NOSTRIN: variants seen among roughly 807,000 people sequenced by gnomAD.
NOSTRIN encodes the protein nitric oxide synthase trafficking.
In NOSTRIN, 63 loss-of-function variants were observed where a neutral mutation model predicts 59.0. The ratio of observed to expected loss-of-function variants is 1.07; its 90% confidence interval spans 0.87 to 1.32. The LOEUF (loss-of-function observed/expected upper bound fraction) is 1.32, where lower values mean the gene tolerates loss of function less well. NOSTRIN is among the 40% of genes most tolerant of loss of function. The pLI, the probability that NOSTRIN is intolerant of heterozygous loss-of-function variation, is 0.00. For missense variants in NOSTRIN, 512 were observed against 473.1 expected (o/e 1.08, Z -0.76); for synonymous variants, 200 against 165.4 (o/e 1.21, Z -1.61).
chr2:168,790,780 A>G (rs1685326717), intron 2 of NOSTRIN, among the ~76,000 whole-genome samples: 2 of 152,154 alleles, frequency 1.3e-5, no homozygotes, highest in Admixed American at 1.3e-4. Context: ...GTAGTGATGA[A>G]TCCATTTCAA....
chr2:168,863,578 ATT>A (rs1046062183), intron 15 of NOSTRIN: 2 of 984,994 alleles, frequency 2.0e-6, no homozygotes, highest in Admixed American at 1.2e-4. Flanking sequence ...TTTAAAAAAT[ATT>A]GTCTCCAAAT....
At chr2:168,822,050 G>A (rs369788324) in intron 2 of NOSTRIN, among the ~76,000 whole-genome samples, 7 of 152,192 alleles carry the variant, frequency 4.6e-5, no homozygotes, top group African/African-American at 1.7e-4. Flanking sequence ...GGGTTCCAGA[G>A]CATCTGAGTT....
chr2:168,789,073 C>T (rs909110940), intron 2 of NOSTRIN, among the ~76,000 whole-genome samples: 2 of 152,158 alleles, frequency 1.3e-5, no homozygotes, highest in Admixed American at 6.5e-5. Context: ...GGAACCAGGG[C>T]TCCTTGAAGA....
intron 7 of NOSTRIN, among the ~76,000 whole-genome samples, chr2:168,834,728 G>A (rs932183556): frequency 6.6e-6 from 1 of 151,698 alleles, no homozygotes; most frequent in African/African-American, 2.4e-5. Flanking sequence ...ATTGACAGAT[G>A]ACAAATGAGA....
intron 1 of NOSTRIN, among the ~76,000 whole-genome samples, chr2:168,807,429 A>G (rs1342735335): frequency 6.6e-6 from 1 of 152,218 alleles, no homozygotes; most frequent in African/African-American, 2.4e-5. Context: ...TTATGCTGGG[A>G]TAATGAAAAT....
chr2:168,815,338 A>C (rs1031568782), intron 2 of NOSTRIN, among the ~76,000 whole-genome samples: 110 of 152,350 alleles, frequency 7.2e-4, no homozygotes, highest in Middle Eastern at 3.4e-3. Flanking sequence ...GCCTAATGCC[A>C]AAGTTATCAG....
intron 5 of NOSTRIN, among the ~76,000 whole-genome samples, chr2:168,830,988 C>G (rs1374074855): frequency 2.6e-5 from 4 of 152,090 alleles, no homozygotes; most frequent in Admixed American, 1.3e-4. Flanking sequence ...GATAATTTGG[C>G]TAATATGTCC....
chr2:168,815,846 T>G (rs1487770962), intron 2 of NOSTRIN, among the ~76,000 whole-genome samples: 1 of 152,116 alleles, frequency 6.6e-6, no homozygotes, highest in Non-Finnish European at 1.5e-5. Context: ...AAAACAGGGT[T>G]TATCCACTCT....
upstream of NOSTRIN, among the ~76,000 whole-genome samples, chr2:168,793,487 T>G (rs1160307647): frequency 6.6e-6 from 1 of 152,066 alleles, no homozygotes; most frequent in Non-Finnish European, 1.5e-5. Context: ...GGCACACACC[T>G]TTAGCTCTAA....
chr2:168,841,257 A>G (rs1263743119), intron 7 of NOSTRIN, among the ~76,000 whole-genome samples: 7 of 141,178 alleles, frequency 5.0e-5, no homozygotes, highest in East Asian at 2.0e-4. Flanking sequence ...AAAAAAAAAA[A>G]AAAAGAAAAG....
chr2:168,849,920 T>TTTGG (rs549641682), intron 8 of NOSTRIN, among the ~76,000 whole-genome samples: 4 of 33,042 alleles, frequency 1.2e-4, no homozygotes, highest in Non-Finnish European at 1.7e-4. Flanking sequence ...ATTTTCTCAT[T>TTTGG]TTTTTTTTTT....
chr2:168,864,829 C>A lies in NOSTRIN; in HGVS notation c.1385-5C>A. The stretch of plus-strand genomic sequence containing the variant: ...AGACCCATTTGTCTAACTGTATTTT[C>A]ACAGGTGACATTGTGATTATACACG... On this transcript the variant is annotated splice_polypyrimidine_tract_variant and splice_region_variant and intron_variant, in intron 15 of 15. Coordinates refer to ENST00000317647, the MANE Select transcript of NOSTRIN (RefSeq NM_001039724.4). 1 of 1,613,638 alleles carries A rather than the reference C, an allele frequency of 6.2e-7. No individual in the cohort carries two copies.
At chr2:168,792,511 G>A (rs1685383728) in intron 2 of NOSTRIN, among the ~76,000 whole-genome samples, 1 of 152,202 alleles carries the variant, frequency 6.6e-6, no homozygotes, top group Admixed American at 6.5e-5. Flanking sequence ...GTGCAGTGGT[G>A]CGATCTTGAC....
intron 2 of NOSTRIN, among the ~76,000 whole-genome samples, chr2:168,817,032 T>C (rs897152997): frequency 2.0e-5 from 3 of 152,224 alleles, no homozygotes; most frequent in Non-Finnish European, 4.4e-5. Context: ...AGACCACTTA[T>C]TCAGTACAAC....
At chr2:168,808,611 A>G (rs514629) in intron 1 of NOSTRIN, among the ~76,000 whole-genome samples, 29,098 of 152,204 alleles carry the variant, frequency 0.19, 3,134 homozygotes, top group African/African-American at 0.27. Flanking sequence ...ATAAAAATCC[A>G]TAGCTTAATA....
At chr2:168,800,791 T>C (rs1467938924), upstream of NOSTRIN, among the ~76,000 whole-genome samples, 1 of 151,814 alleles carries the variant, frequency 6.6e-6, no homozygotes, top group African/African-American at 2.4e-5. Flanking sequence ...TCCCAAGTCC[T>C]GGAATGGTGG....
At chr2:168,789,067 C>T (rs1685279026) in intron 2 of NOSTRIN, among the ~76,000 whole-genome samples, 1 of 152,130 alleles carries the variant, frequency 6.6e-6, no homozygotes, top group African/African-American at 2.4e-5. Flanking sequence ...ACTAAAGGAA[C>T]CAGGGCTCCT....
intron 6 of NOSTRIN, among the ~76,000 whole-genome samples, chr2:168,833,538 C>G (rs919869950): frequency 1.7e-4 from 26 of 152,308 alleles, no homozygotes; most frequent in African/African-American, 6.3e-4. Context: ...ATTCTGTTTG[C>G]ATAATTTATC....
At chr2:168,809,077 A>C (rs931282285) in intron 1 of NOSTRIN, among the ~76,000 whole-genome samples, 1 of 152,228 alleles carries the variant, frequency 6.6e-6, no homozygotes, top group African/African-American at 2.4e-5. Context: ...AACTATGTTC[A>C]GCTGCATATT....
Sources: gnomAD v4.1 joint callset for allele counts (sites outside exome capture counted in the v4.1 genomes callset) on GRCh38, gnomAD v4.1.1 for gene constraint, MANE v1.5 for transcripts, NCBI Gene and HGNC (gene_info 2026-07-23, HGNC 2026-07-21) for gene names.